Variants in WWP2 observed in about 807,000 individuals in gnomAD.
WWP2 encodes the protein NEDD4-like E3 ubiquitin-protein ligase WWP2.
Under a neutral mutation model 121.0 loss-of-function variants are expected in WWP2, and 57 were observed. The ratio of observed to expected loss-of-function variants is 0.47; its 90% CI spans 0.38 to 0.59. The LOEUF is 0.59. Among genes scored for constraint, WWP2 ranks in the 20% least tolerant of loss-of-function variants. The pLI is 0.00. For synonymous variants in WWP2, 449 were observed against 441.3 expected, an observed-to-expected ratio of 1.02 and a Z score of -0.22; for missense variants, 962 against 1,158.9, an observed-to-expected ratio of 0.83 and a Z score of 2.47.
intron 6 of WWP2, among the ~76,000 whole-genome samples, chr16:69,846,723 A>G (rs77790472): frequency 5.6e-5 from 8 of 142,990 alleles, no homozygotes; most frequent in Non-Finnish European, 9.2e-5. Context: ...CTGTCTCAAG[A>G]AAAAAAAAAA....
chr16:69,883,026 G>A (rs542144799), intron 7 of WWP2, among the ~76,000 whole-genome samples: 3 of 151,964 alleles, frequency 2.0e-5, no homozygotes, highest in East Asian at 1.9e-4. Flanking sequence ...GGTGGCACTC[G>A]CTTGTAATCC....
At chr16:69,930,636 C>T (rs558124521) in intron 13 of WWP2, among the ~76,000 whole-genome samples, 16 of 152,240 alleles carry the variant, frequency 1.1e-4, no homozygotes, top group African/African-American at 3.9e-4. Flanking sequence ...GAGTTTGAGG[C>T]TGCAGTGAGC....
Position 69,939,911 on chromosome 16 carries a change from G to A in WWP2, c.2584G>A (p.Glu862Lys). The stretch of plus-strand genomic sequence containing the variant: ...GAGAGAGAAGCTGCTGTATGCCATT[G>A]AGGAGACCGAGGGCTTTGGACAGGA... ...QLREKLLYAI[E>K]ETEGFGQE is the part of the protein sequence containing the mutation. Residue 862 changes from glutamate to lysine, a missense_variant, in exon 24 of 24, where the codon GAG (glutamate) becomes AAG (lysine). Glu to Lys is a moderately conservative substitution (Grantham distance 56). Around this residue, in one of 3 missense-constraint regions of WWP2, gnomAD observed 606 missense variants for 772.6 expected, o/e 0.78. Coordinates refer to ENST00000359154, the MANE Select transcript of WWP2 (RefSeq NM_001270454.2). 1 of 1,613,890 alleles carries A rather than the reference G, an allele frequency of 6.2e-7. No individual in the cohort carries two copies.
chr16:69,908,636 G>A, intron 8 of WWP2, 125 bp from the exon 9 acceptor site: 1 of 1,521,088 alleles, frequency 6.6e-7, no homozygotes, highest in Non-Finnish European at 8.8e-7. Flanking sequence ...CATTGGGTCG[G>A]CCTCGCATGT....
At chr16:69,795,649 GTTTTTTTTTTTT>G (rs386384998) in intron 2 of WWP2, among the ~76,000 whole-genome samples, 7 of 66,926 alleles carry the variant, frequency 1.0e-4, no homozygotes, top group African/African-American at 3.1e-4. Context: ...AAAATAGGAG[GTTTTTTTTTTTT>G]TTTTTTTTTT....
intron 4 of WWP2, among the ~76,000 whole-genome samples, chr16:69,823,112 CA>C (rs1407048924): frequency 6.6e-6 from 1 of 152,138 alleles, no homozygotes; most frequent in Non-Finnish European, 1.5e-5. Context: ...GCCTGCGCAA[CA>C]GAGCGAGACT....
intron 4 of WWP2, among the ~76,000 whole-genome samples, chr16:69,835,001 G>A (rs189549643): frequency 2.0e-5 from 3 of 152,248 alleles, no homozygotes; most frequent in South Asian, 2.1e-4. Context: ...CTCAAGGCAC[G>A]GATGTGAACA....
At position 69,935,421 on chromosome 16, in the gene WWP2, TCGG is replaced by T. The variant is rs2058782326; in HGVS notation, c.1843-428_1843-426del. Among the ~76,000 whole-genome samples the T allele has an allele frequency of 6.6e-6, 1 of 152,226 alleles. No individual in the cohort carries two copies. Among genetic ancestry groups the T allele is most frequent in the Non-Finnish European group, 1.5e-5 (1 of 68,034 alleles). On this transcript the variant is annotated intron_variant, in intron 17 of 23. Transcript: ENST00000359154. This position sits in a 1 kb window ranked among gnomAD's most constrained non-coding sequence, Gnocchi z 5.2. The stretch of plus-strand genomic sequence containing the variant: ...CACCATTGGCCGCCAGCTCTCGCTG[TCGG>T]CGGTGTCTGCATTATTTTTGGCTGC...
chr16:69,903,683 G>A (rs892973006), intron 8 of WWP2, among the ~76,000 whole-genome samples: 21 of 151,664 alleles, frequency 1.4e-4, no homozygotes, highest in African/African-American at 4.9e-4. Context: ...CAGGGGAATC[G>A]GTTGAACCCA....
chr16:69,877,853 G>A (rs1019827812), intron 7 of WWP2, among the ~76,000 whole-genome samples: 1 of 151,846 alleles, frequency 6.6e-6, no homozygotes, highest in East Asian at 1.9e-4. Context: ...TGTTGCCCAC[G>A]CTGGAGTGCA....
chr16:69,909,831 C>G (rs2058353776), intron 9 of WWP2: 1 of 488,270 alleles, frequency 2.0e-6, no homozygotes, highest in South Asian at 8.8e-5. Flanking sequence ...CCCACATACT[C>G]AACATTTAGC....
intron 1 of WWP2, among the ~76,000 whole-genome samples, chr16:69,785,065 A>T (rs1157316150): frequency 6.6e-6 from 1 of 152,014 alleles, no homozygotes; most frequent in Non-Finnish European, 1.5e-5. Context: ...GCGAAACCCC[A>T]TCTCTACTAA....
At chr16:69,933,593 T>A (rs1264698142) in intron 16 of WWP2, among the ~76,000 whole-genome samples, 1 of 152,220 alleles carries the variant, frequency 6.6e-6, no homozygotes, top group South Asian at 2.1e-4. Context: ...TAAACATGCA[T>A]CGTGCCCTTG....
At chr16:69,903,312 A>G (rs2058233883) in intron 8 of WWP2, among the ~76,000 whole-genome samples, 1 of 152,214 alleles carries the variant, frequency 6.6e-6, no homozygotes, top group Admixed American at 6.5e-5. Flanking sequence ...TGTGTCAATT[A>G]CAGACATTTA....
At chr16:69,924,829 G>T (rs374305246) in intron 10 of WWP2, among the ~76,000 whole-genome samples, 25 of 152,018 alleles carry the variant, frequency 1.6e-4, no homozygotes, top group African/African-American at 6.0e-4. Flanking sequence ...AGGGCTTGGG[G>T]CATGAATGTG....
intron 4 of WWP2, among the ~76,000 whole-genome samples, chr16:69,824,334 TA>T (rs1298001285): frequency 1.3e-5 from 2 of 151,990 alleles, no homozygotes; most frequent in Non-Finnish European, 2.9e-5. Flanking sequence ...AAAGGGAAGG[TA>T]ATCCTGGACC....
chr16:69,788,364 C>G lies in WWP2; in HGVS notation c.70+1284C>G, dbSNP rs970578853. Among the ~76,000 whole-genome samples the G allele has an allele frequency of 1.1e-4, 17 of 152,292 alleles. 2 individuals are homozygous for G. The highest frequency in any genetic ancestry group is 3.9e-4 in the East Asian group (2 of 5,182). On this transcript the variant is annotated intron_variant, in intron 2 of 23. Coordinates refer to ENST00000359154, the MANE Select transcript of WWP2 (RefSeq NM_001270454.2). ...AGCTGGGTCTTGTCACTCCTCTGCT[C>G]AAACCATTCAAGGGTGCTCCATTTC...
At chr16:69,812,161 CT>C (rs1021541952) in intron 4 of WWP2, among the ~76,000 whole-genome samples, 4,424 of 108,438 alleles carry the variant, frequency 0.041, 22 homozygotes, top group African/African-American at 0.06. Context: ...GAGTACAGAC[CT>C]TTTTTTTTTT....
chr16:69,772,190 A>C (rs2055432743), intron 1 of WWP2, among the ~76,000 whole-genome samples: 2 of 151,698 alleles, frequency 1.3e-5, no homozygotes, highest in African/African-American at 4.8e-5. Flanking sequence ...CGAACTCCCG[A>C]ACTTGGGTGA....
Sources: gnomAD v4.1 joint callset for allele counts (sites outside exome capture counted in the v4.1 genomes callset) on GRCh38, gnomAD v4.1.1 for gene constraint, gnomAD v4.1.1 regional missense constraint, Gnocchi (gnomAD v3.1) non-coding constraint, MANE v1.5 for transcripts, NCBI Gene and HGNC (gene_info 2026-07-23, HGNC 2026-07-21) for gene names.